Variants in TENM1 observed in about 807,000 individuals in gnomAD.
TENM1 encodes the protein teneurin transmembrane protein 1, also known as teneurin-1.
TENM1 carries 35 observed loss-of-function variants against 174.8 expected under a neutral mutation model. That is an observed-to-expected ratio of 0.20 (90% CI 0.15 to 0.27). The LOEUF is 0.27. TENM1 is among the 10% of genes least tolerant of loss of function. The pLI, the probability that TENM1 is intolerant of heterozygous loss-of-function variation, is 1.00. For synonymous variants in TENM1, 781 were observed against 798.7 expected, an observed-to-expected ratio of 0.98 and a Z score of 0.37; for missense variants, 1,633 against 2,130.1, an observed-to-expected ratio of 0.77 and a Z score of 4.59.
the TENM1 span, among the ~76,000 whole-genome samples, chrX:125,135,903 T>C: frequency 8.9e-5 from 10 of 112,043 alleles, no homozygotes; most frequent in Non-Finnish European, 1.5e-4. Context: ...AATTCTTTGT[T>C]GGACTATGTG....
intron 5 of TENM1, among the ~76,000 whole-genome samples, chrX:124,674,303 CAAAA>C (rs745969451): frequency 7.2e-4 from 12 of 16,621 alleles, no homozygotes; most frequent in East Asian, 6.7e-3. Flanking sequence ...TATCAAAAGG[CAAAA>C]AAAAAAAAAA....
rs1197043546 is a variant in TENM1 at position 124,723,899 on chromosome X, G to A, written c.776+13058C>T. On this transcript the variant is annotated intron_variant, in intron 4 of 31. Transcript: ENST00000422452. ...TAGGCATGAGCAACCATGCCCGGCCGAAGCTGGGTTTTAACTGACTCCACT... is the reference window on the plus strand; with the variant it reads ...TAGGCATGAGCAACCATGCCCGGCCAAAGCTGGGTTTTAACTGACTCCACT... Among the ~76,000 whole-genome samples, 5 of 111,246 alleles carry A rather than the reference G, an allele frequency of 4.5e-5. No homozygotes were observed. In the South Asian group the frequency reaches 1.5e-3, roughly 34 times the overall value.
the TENM1 span, among the ~76,000 whole-genome samples, chrX:125,043,104 G>A: frequency 9.5e-6 from 1 of 105,685 alleles, no homozygotes; most frequent in Admixed American, 1.0e-4. Context: ...ATAGGCGTGG[G>A]CAAGGACTTC....
intron 4 of TENM1, among the ~76,000 whole-genome samples, chrX:124,723,103 T>C (rs1255408349): frequency 9.0e-6 from 1 of 111,413 alleles, no homozygotes; most frequent in Non-Finnish European, 1.9e-5. Context: ...GCCTTCCAAT[T>C]CACATGAAAG....
At chrX:124,707,826 G>C (rs778510167) in intron 4 of TENM1, among the ~76,000 whole-genome samples, 1 of 111,880 alleles carries the variant, frequency 8.9e-6, no homozygotes, top group East Asian at 2.8e-4. Context: ...TGCAATAAAT[G>C]TCCATACTTC....
At chrX:124,714,273 T>G (rs1041986883) in intron 4 of TENM1, among the ~76,000 whole-genome samples, 5 of 112,127 alleles carry the variant, frequency 4.5e-5, no homozygotes, top group African/African-American at 1.6e-4. Context: ...ATTGCTAGAA[T>G]GTAAGCTACA....
At chrX:124,814,974 C>T (rs1351280195) in intron 3 of TENM1, among the ~76,000 whole-genome samples, 1 of 112,208 alleles carries the variant, frequency 8.9e-6, no homozygotes, top group Non-Finnish European at 1.9e-5. Context: ...CCAATGTTTT[C>T]ATCAGTAAAT....
At chrX:124,871,786 C>T (rs2057112841) in intron 3 of TENM1, among the ~76,000 whole-genome samples, 4 of 110,808 alleles carry the variant, frequency 3.6e-5, no homozygotes. Context: ...GTAATCCCAG[C>T]ACTTTGGGAG....
At chrX:125,111,916 A>G in the TENM1 span, among the ~76,000 whole-genome samples, 1 of 111,716 alleles carries the variant, frequency 9.0e-6, no homozygotes, top group Non-Finnish European at 1.9e-5. Flanking sequence ...TGATGAACAA[A>G]AATGGATTTG....
intron 28 of TENM1, among the ~76,000 whole-genome samples, chrX:124,386,799 C>T (rs1237199351): frequency 9.1e-6 from 1 of 109,602 alleles, no homozygotes; most frequent in African/African-American, 3.3e-5. Context: ...ACTGCAGCCT[C>T]GAACTCCTGA....
intron 11 of TENM1, among the ~76,000 whole-genome samples, chrX:124,579,634 C>T (rs1051365217): frequency 1.8e-5 from 2 of 111,789 alleles, no homozygotes; most frequent in Non-Finnish European, 3.8e-5. Flanking sequence ...TATACATATG[C>T]ATTATTCTTC....
intron 15 of TENM1, among the ~76,000 whole-genome samples, chrX:124,538,080 T>G (rs989597152): frequency 2.7e-5 from 3 of 112,105 alleles, no homozygotes; most frequent in African/African-American, 9.7e-5. Flanking sequence ...TTTGGTACCT[T>G]TAGGTGTTGA....
At chrX:124,942,383 C>G (rs1393061220) in intron 1 of TENM1, among the ~76,000 whole-genome samples, 2 of 111,673 alleles carry the variant, frequency 1.8e-5, no homozygotes, top group African/African-American at 6.5e-5. Flanking sequence ...GAAATCCTCC[C>G]CACTGGAGAG....
chrX:124,984,589 G>A, the TENM1 span, among the ~76,000 whole-genome samples: 1 of 111,770 alleles, frequency 8.9e-6, no homozygotes, highest in Non-Finnish European at 1.9e-5. Context: ...AGTTCTTACT[G>A]AGCCTGATTC....
intron 1 of TENM1, among the ~76,000 whole-genome samples, chrX:124,899,963 CTG>C (rs1230437550): frequency 8.9e-6 from 1 of 112,357 alleles, no homozygotes; most frequent in Non-Finnish European, 1.9e-5. Flanking sequence ...GAAAGTAAAA[CTG>C]TGCAACCACA....
chrX:124,453,568 C>T (rs1603273011), intron 22 of TENM1, 77 bp from the exon 26 acceptor site: 37 of 975,367 alleles, frequency 3.8e-5, no homozygotes, highest in Non-Finnish European at 5.0e-5. Flanking sequence ...TGAAAAAAGC[C>T]ATAGCAATGG....
rs182693544 is a variant in TENM1, at chrX:124,618,683, A to G, written c.2077+23108T>C. On this transcript the variant is annotated intron_variant, in intron 11 of 31. Coordinates refer to ENST00000422452, the Ensembl canonical transcript of TENM1. ...CCACTCTTTTTCCTTGTCAAAAGCC[A>G]CAAACATCTATTTTAACCAGTTGCC... is the stretch of plus-strand genomic sequence containing the variant. 8.0e-5 allele frequency among the ~76,000 whole-genome samples: 9 copies of G among 112,171 alleles called. No individual in the cohort carries two copies. The East Asian group carries it at 2.5e-3, about 31-fold the overall frequency.
intron 6 of TENM1, among the ~76,000 whole-genome samples, chrX:124,660,477 T>C (rs1602936736): frequency 1.8e-5 from 2 of 111,397 alleles, no homozygotes; most frequent in South Asian, 3.8e-4. Flanking sequence ...AAATGATATA[T>C]TGGATAAGGG....
intron 29 of TENM1, among the ~76,000 whole-genome samples, 157 bp downstream of exon 32, chrX:124,385,520 A>G (rs2060208211): frequency 8.9e-6 from 1 of 112,669 alleles, no homozygotes; most frequent in Non-Finnish European, 1.9e-5. Context: ...AGACTATAAC[A>G]TGCTTTACAT....
Sources: allele counts gnomAD v4.1 joint callset (sites outside exome capture counted in the v4.1 genomes callset), GRCh38; gene constraint gnomAD v4.1.1; transcripts MANE v1.5; gene names NCBI Gene and HGNC (gene_info 2026-07-23, HGNC 2026-07-21).